DNASE1: variants seen among roughly 807,000 people sequenced by gnomAD.
DNASE1 encodes deoxyribonuclease-1.
Under a neutral mutation model 33.9 loss-of-function variants are expected in DNASE1, and 40 were observed. That is an observed-to-expected ratio of 1.18 (90% CI 0.92 to 1.54). The LOEUF (loss-of-function observed/expected upper bound fraction) is 1.54, where lower values mean the gene tolerates loss of function less well. DNASE1 is among the 40% of genes most tolerant of loss of function. The pLI, the probability that DNASE1 is intolerant of heterozygous loss-of-function variation, is 0.00. For missense variants in DNASE1, 518 were observed against 372.6 expected (o/e 1.39, Z -3.21); for synonymous variants, 216 against 160.0 (o/e 1.35, Z -2.64).
intron 5 of DNASE1, 115 bp from the exon 6 acceptor site, chr16:3,656,884 C>T (rs1166985912): frequency 6.5e-7 from 1 of 1,544,814 alleles, no homozygotes; most frequent in Non-Finnish European, 8.7e-7. Flanking sequence ...CCATTCAAGT[C>T]ATTTGGAAAA....
intron 1 of DNASE1, among the ~76,000 whole-genome samples, chr16:3,634,792 A>C (rs2041819331): frequency 6.6e-6 from 1 of 151,960 alleles, no homozygotes; most frequent in South Asian, 2.1e-4. Context: ...TGGGATTAAC[A>C]GGTGTGAGCC....
chr16:3,648,426 G>T (rs2042236281), intron 1 of DNASE1, among the ~76,000 whole-genome samples: 1 of 152,126 alleles, frequency 6.6e-6, no homozygotes, highest in Non-Finnish European at 1.5e-5. Context: ...GCTGGGCGTG[G>T]TGGCGGGCGC....
At chr16:3,664,174 C>T (rs2050766967) in exon 10 of DNASE1, 1 of 1,304,756 alleles carries the variant, frequency 7.7e-7, no homozygotes. Context: ...TGCAGCCCTG[C>T]CCGGAGTCTT....
At chr16:3,639,554 G>C (rs1365644103), upstream of DNASE1, among the ~76,000 whole-genome samples, 1 of 152,104 alleles carries the variant, frequency 6.6e-6, no homozygotes, top group Non-Finnish European at 1.5e-5. Flanking sequence ...CCCTCTCCTA[G>C]GTCTGAATCC....
At chr16:3,638,161 T>A (rs1187850045), upstream of DNASE1, among the ~76,000 whole-genome samples, 2 of 151,890 alleles carry the variant, frequency 1.3e-5, no homozygotes, top group Non-Finnish European at 2.9e-5. Context: ...ACTTTAAAGA[T>A]GTTACTTCTT....
At chr16:3,662,796 A>G (rs778650485), downstream of DNASE1, 9 of 1,307,160 alleles carry the variant, frequency 6.9e-6, 1 homozygote, top group South Asian at 1.1e-4. Flanking sequence ...AGGACACCCA[A>G]CGGGCCAGGT....
At chr16:3,661,202 A>G (rs2043054102), downstream of DNASE1, 1 of 152,236 alleles carries the variant, frequency 6.6e-6, no homozygotes, top group Admixed American at 6.5e-5. Context: ...AAGGTACCAA[A>G]GGATGTTAAA....
chr16:3,620,705 G>GT (rs2041277403), intron 1 of DNASE1, among the ~76,000 whole-genome samples: 1 of 151,544 alleles, frequency 6.6e-6, no homozygotes. Flanking sequence ...CTGTATGTGT[G>GT]TGTTTTTATT....
At chr16:3,644,198 T>G (rs2042103103) in intron 1 of DNASE1, among the ~76,000 whole-genome samples, 1 of 152,088 alleles carries the variant, frequency 6.6e-6, no homozygotes, top group African/African-American at 2.4e-5. Flanking sequence ...ATCCCAGCAC[T>G]TTGGGAAGCT....
In DNASE1 at chr16:3,623,883, C is replaced by G. The variant is rs892562863; in HGVS notation, c.-1359+11877C>G. Reference sequence around the variant, plus strand: ...TATCATCTTACACTGGTCAGAATGGCTATTATTAAAAAGTCAAAAAACAAC... The same window carrying G: ...TATCATCTTACACTGGTCAGAATGGGTATTATTAAAAAGTCAAAAAACAAC... On this transcript the variant is annotated intron_variant and NMD_transcript_variant, in intron 1 of 11. Coordinates refer to the DNASE1 transcript ENST00000570769. Among the ~76,000 whole-genome samples, 14 of 152,120 alleles carry G rather than the reference C, an allele frequency of 9.2e-5. 1 individual carries two copies. Among genetic ancestry groups the G allele is most frequent in the Admixed American group, 2.6e-4 (4 of 15,270 alleles).
chr16:3,663,509 C>G lies in DNASE1; in HGVS notation c.*5556C>G, dbSNP rs148235024. ...CAGAGATCAGCTTCTTCTTGTCAAA[C>G]TCACGAAGGTGCAGCAGGGTGAGCT... On this transcript the variant is annotated 3_prime_UTR_variant, in exon 10 of 10. Transcript: ENST00000407479. 6 of 1,614,194 alleles carry G rather than the reference C, an allele frequency of 3.7e-6. No individual in the cohort carries two copies. The highest frequency in any genetic ancestry group is 2.5e-6 in the Non-Finnish European group (3 of 1,180,040).
downstream of DNASE1, chr16:3,658,120 C>T (rs373990579): frequency 2.2e-5 from 36 of 1,613,660 alleles, no homozygotes; most frequent in African/African-American, 4.4e-4. Flanking sequence ...CCTTCTGGCC[C>T]CCTGGCTGTC....
intron 1 of DNASE1, among the ~76,000 whole-genome samples, chr16:3,630,533 A>G (rs1380714801): frequency 6.6e-6 from 1 of 152,042 alleles, no homozygotes; most frequent in African/African-American, 2.4e-5. Context: ...ATGGTCTGTT[A>G]TTAGTTGTAA....
intron 1 of DNASE1, among the ~76,000 whole-genome samples, chr16:3,626,334 C>G (rs2041510074): frequency 6.6e-6 from 1 of 152,060 alleles, no homozygotes; most frequent in Non-Finnish European, 1.5e-5. Flanking sequence ...GCAGCATGAA[C>G]AAAATGAAGA....
At chr16:3,655,070 G>C (rs1381768726) in intron 1 of DNASE1, 26 bp downstream of exon 1, 1 of 586,692 alleles carries the variant, frequency 1.7e-6, no homozygotes, top group South Asian at 2.1e-5. Flanking sequence ...AGTGCCTCTG[G>C]GTGACTGGCC....
rs1270281133 is a variant in DNASE1 at position 3,627,482 on chromosome 16, G to T, written c.-1358-13233G>T. ...TATAGAGACAAGGCCTCACTATGTT[G>T]CTCAGGCCCGTCTGGAACTCCTGGG... On this transcript the variant is annotated intron_variant and NMD_transcript_variant, in intron 1 of 11. Coordinates refer to the DNASE1 transcript ENST00000570769. Among the ~76,000 whole-genome samples, 5 of 151,954 alleles carry T rather than the reference G, an allele frequency of 3.3e-5. No homozygotes were observed. In the East Asian group the frequency reaches 7.7e-4, roughly 24 times the overall value.
exon 10 of DNASE1, chr16:3,665,224 A>T (rs1452538343): frequency 6.6e-6 from 1 of 152,232 alleles, no homozygotes; most frequent in Non-Finnish European, 1.5e-5. Flanking sequence ...AAGTCGGCAA[A>T]CAACCAGAAC....
intron 1 of DNASE1, among the ~76,000 whole-genome samples, chr16:3,632,309 T>A (rs2041723721): frequency 6.6e-6 from 1 of 152,258 alleles, no homozygotes; most frequent in Non-Finnish European, 1.5e-5. Context: ...GATAGATTGA[T>A]GTTGAAGTTT....
chr16:3,628,200 T>C (rs1342448000), intron 1 of DNASE1, among the ~76,000 whole-genome samples: 1 of 152,148 alleles, frequency 6.6e-6, no homozygotes, highest in Non-Finnish European at 1.5e-5. Context: ...TTTAATGCTA[T>C]TGTAAGTGGA....
Sources: gnomAD v4.1 joint callset for allele counts (sites outside exome capture counted in the v4.1 genomes callset) on GRCh38, gnomAD v4.1.1 for gene constraint, MANE v1.5 for transcripts, NCBI Gene and HGNC (gene_info 2026-07-23, HGNC 2026-07-21) for gene names.